DNMBP: variants seen among roughly 807,000 people sequenced by gnomAD.
DNMBP encodes the protein dynamin-binding protein.
Under a neutral mutation model 150.0 loss-of-function variants are expected in DNMBP, and 87 were observed. That is an observed-to-expected ratio of 0.58 (90% CI 0.49 to 0.69). The LOEUF (loss-of-function observed/expected upper bound fraction) is 0.69, where lower values mean the gene tolerates loss of function less well. Among genes scored for constraint, DNMBP ranks in the 30% least tolerant of loss-of-function variants. The pLI, the probability that DNMBP is intolerant of heterozygous loss-of-function variation, is 0.00. For missense variants in DNMBP, 1,774 were observed against 1,949.0 expected (o/e 0.91, Z 1.69); for synonymous variants, 711 against 750.4 (o/e 0.95, Z 0.86).
At chr10:100,006,595 CCTCA>C (rs1443388818) in intron 1 of DNMBP, among the ~76,000 whole-genome samples, 3 of 152,132 alleles carry the variant, frequency 2.0e-5, no homozygotes, top group African/African-American at 7.2e-5. Flanking sequence ...ACGGCTTCCC[CCTCA>C]CTCAGTGTAA....
chr10:99,988,456 T>G (rs944287114), intron 1 of DNMBP, among the ~76,000 whole-genome samples: 4 of 152,072 alleles, frequency 2.6e-5, no homozygotes, highest in African/African-American at 9.7e-5. Context: ...AATAGCCAGG[T>G]AGAGGGGAGC....
chr10:99,905,750 C>T (rs1049050674), intron 6 of DNMBP, among the ~76,000 whole-genome samples: 1 of 152,084 alleles, frequency 6.6e-6, no homozygotes, highest in South Asian at 2.1e-4. Flanking sequence ...GAGGGAAGAT[C>T]GCTTGAGGCC....
At chr10:99,918,817 A>G (rs2039993534) in intron 4 of DNMBP, among the ~76,000 whole-genome samples, 1 of 152,182 alleles carries the variant, frequency 6.6e-6, no homozygotes, top group Non-Finnish European at 1.5e-5. Context: ...TACTAGGAGT[A>G]ACTCAAACAC....
At chr10:99,888,233 C>T (rs1156600833) in intron 12 of DNMBP, among the ~76,000 whole-genome samples, 2 of 86,992 alleles carry the variant, frequency 2.3e-5, no homozygotes, top group Non-Finnish European at 2.8e-5. Flanking sequence ...TGTTTTGAGG[C>T]AGAGTCTTGC....
chr10:99,885,742 G>A lies in DNMBP; in HGVS notation c.3743C>T (p.Pro1248Leu), dbSNP rs772489564. 2.5e-6 allele frequency: 4 copies of A among 1,597,884 alleles called. No homozygotes were observed. The highest frequency in any genetic ancestry group is 2.2e-5 in the East Asian group (1 of 44,684). The change falls in exon 14 of 17, where the codon CCA becomes CTA. Residue 1248 changes from proline to leucine, a missense_variant. Physicochemically the swap from Pro to Leu is moderately conservative, Grantham distance 98. Transcript: ENST00000324109. ...FPESLPATKK[P>L]FERKTIDRQS... ...GCGGTCAATGGTTTTCCTCTCAAATGGCTTCTTGGTAGCTGGAAGAGACTC... is the reference window on the plus strand; with the variant it reads ...GCGGTCAATGGTTTTCCTCTCAAATAGCTTCTTGGTAGCTGGAAGAGACTC...
chr10:99,970,334 G>A (rs2040661380), intron 2 of DNMBP, among the ~76,000 whole-genome samples: 1 of 152,226 alleles, frequency 6.6e-6, no homozygotes, highest in African/African-American at 2.4e-5. Context: ...TGCATGTGGT[G>A]TGGGAAAAGC....
At chr10:99,902,303 CTTTTT>C (rs34120125) in intron 6 of DNMBP, among the ~76,000 whole-genome samples, 5 of 82,790 alleles carry the variant, frequency 6.0e-5, no homozygotes, top group Admixed American at 3.6e-4. Context: ...AGCCTCCCTT[CTTTTT>C]TTTTTTTTTT....
intron 3 of DNMBP, among the ~76,000 whole-genome samples, chr10:99,962,395 G>A (rs1439147380): frequency 2.0e-5 from 3 of 152,194 alleles, no homozygotes; most frequent in South Asian, 2.1e-4. Flanking sequence ...ACTTTGGGAC[G>A]CCGAGGCAGG....
chr10:99,890,895 C>T (rs992192218), intron 11 of DNMBP, among the ~76,000 whole-genome samples: 5 of 152,144 alleles, frequency 3.3e-5, no homozygotes, highest in Admixed American at 3.3e-4. Flanking sequence ...GATCTGCCCA[C>T]CTCGGCCTCC....
intron 12 of DNMBP, 65 bp downstream of exon 12, chr10:99,888,760 C>T: frequency 2.5e-6 from 4 of 1,597,662 alleles, no homozygotes; most frequent in East Asian, 2.2e-5. Flanking sequence ...AACTGACTTG[C>T]ATGAGCTGAT....
intron 1 of DNMBP, among the ~76,000 whole-genome samples, chr10:99,980,173 G>C (rs747914727): frequency 6.6e-6 from 1 of 151,614 alleles, no homozygotes; most frequent in Non-Finnish European, 1.5e-5. Flanking sequence ...AGCTGGGTGC[G>C]GTGGCTCAGG....
Position 99,877,131 on chromosome 10 carries a change from G to A in DNMBP, c.*20C>T. ...GACTGAAAGCAAAGGCAGCAAGGCT[G>A]GGTGGCAGGCAACGTGGGCTCAGGT... On this transcript the variant is annotated 3_prime_UTR_variant, in exon 17 of 17. Transcript: ENST00000324109. The A allele has an allele frequency of 1.3e-6, 2 of 1,592,714 alleles. No individual in the cohort carries two copies. The highest frequency in any genetic ancestry group is 1.7e-6 in the Non-Finnish European group (2 of 1,169,108).
intron 1 of DNMBP, among the ~76,000 whole-genome samples, chr10:100,009,174 C>G (rs2041107010): frequency 6.6e-6 from 1 of 152,212 alleles, no homozygotes; most frequent in African/African-American, 2.4e-5. Flanking sequence ...AAATTTAAGT[C>G]TATACTCCTC....
intron 4 of DNMBP, among the ~76,000 whole-genome samples, chr10:99,911,638 G>A (rs2039901324): frequency 6.6e-6 from 1 of 152,134 alleles, no homozygotes; most frequent in South Asian, 2.1e-4. Context: ...TGTTAAATAT[G>A]GGTGAATTTG....
Position 99,956,395 on chromosome 10 carries a change from G to C in DNMBP, c.1079C>G (p.Pro360Arg), listed in dbSNP as rs1309842935. The change falls in exon 4 of 17, where the codon CCC becomes CGC. Residue 360 changes from proline (P) to arginine (R), a missense_variant. Transcript: ENST00000324109. ...DCIISEAPTSPLGHLTSEYDT... is the reference protein window; with the variant it reads ...DCIISEAPTSRLGHLTSEYDT... ...ATACTCTGAAGTCAGATGACCGAGG[G>C]GAGAAGTGGGTGCTTCAGAAATAAT... 6.2e-7 allele frequency: 1 copy of C among 1,613,942 alleles called. No individual in the cohort carries two copies. The highest frequency in any genetic ancestry group is 2.2e-5 in the East Asian group (1 of 44,886).
intron 4 of DNMBP, among the ~76,000 whole-genome samples, chr10:99,912,515 A>G (rs2039913522): frequency 6.6e-6 from 1 of 151,816 alleles, no homozygotes; most frequent in Non-Finnish European, 1.5e-5. Flanking sequence ...GGGTTTATAA[A>G]CTCTTGAGCA....
intron 4 of DNMBP, among the ~76,000 whole-genome samples, chr10:99,927,665 A>G (rs895514606): frequency 6.6e-6 from 1 of 152,216 alleles, no homozygotes; most frequent in Non-Finnish European, 1.5e-5. Flanking sequence ...TAAAGACAGA[A>G]TTTGTTATAG....
chr10:99,995,210 G>A (rs1003311190), intron 1 of DNMBP, among the ~76,000 whole-genome samples: 3 of 151,892 alleles, frequency 2.0e-5, no homozygotes, highest in East Asian at 1.9e-4. Context: ...GGGCCATCAC[G>A]CTCAGCTAAT....
intron 4 of DNMBP, among the ~76,000 whole-genome samples, chr10:99,949,839 T>C (rs1372017182): frequency 1.3e-5 from 2 of 152,166 alleles, no homozygotes; most frequent in Non-Finnish European, 2.9e-5. Context: ...CATTTACCCA[T>C]TTAAAAACAC....
Sources: gnomAD v4.1 joint callset for allele counts (sites outside exome capture counted in the v4.1 genomes callset) on GRCh38, gnomAD v4.1.1 for gene constraint, MANE v1.5 for transcripts, NCBI Gene and HGNC (gene_info 2026-07-23, HGNC 2026-07-21) for gene names.